Variants in CUX1 observed in about 807,000 individuals in gnomAD.
CUX1 encodes cut like homeobox 1.
CUX1 carries 31 observed loss-of-function variants against 158.8 expected under a neutral mutation model. The observed-to-expected ratio is 0.20, with a 90% CI of 0.15 to 0.26. The LOEUF (loss-of-function observed/expected upper bound fraction) is 0.26. Ranked by LOEUF, CUX1 falls within the 10% of genes least tolerant of loss-of-function variation. The pLI, the probability that CUX1 is intolerant of heterozygous loss-of-function variation, is 1.00. For missense variants in CUX1, 1,589 were observed against 2,014.6 expected (o/e 0.79, Z 4.04); for synonymous variants, 879 against 862.1 (o/e 1.02, Z -0.34).
intron 2 of CUX1, among the ~76,000 whole-genome samples, chr7:101,945,421 G>A (rs1237389793): frequency 1.3e-5 from 2 of 152,180 alleles, no homozygotes; most frequent in African/African-American, 4.8e-5. Flanking sequence ...CCTCGCTGTT[G>A]CATTTTGTAA....
chr7:102,045,694 A>G (rs1455195723), intron 3 of CUX1, among the ~76,000 whole-genome samples: 2 of 152,278 alleles, frequency 1.3e-5, no homozygotes, highest in Non-Finnish European at 2.9e-5. Context: ...CAGCTATTCA[A>G]TAAAAGTCCT....
At chr7:102,204,943 G>A (rs553448651) in intron 19 of CUX1, among the ~76,000 whole-genome samples, 171 bp from the exon 20 acceptor site, 3 of 152,346 alleles carry the variant, frequency 2.0e-5, no homozygotes, top group African/African-American at 4.8e-5. Context: ...ACCTGCTCCC[G>A]GCCCGGGGGC....
chr7:102,122,320 TA>T, intron 8 of CUX1, among the ~76,000 whole-genome samples: 1 of 152,138 alleles, frequency 6.6e-6, no homozygotes, highest in Admixed American at 6.5e-5. Context: ...TGGACTTGAA[TA>T]AAGAACCTCC....
At chr7:102,148,110 G>A (rs553810428) in intron 8 of CUX1, among the ~76,000 whole-genome samples, 1 of 152,198 alleles carries the variant, frequency 6.6e-6, no homozygotes, top group Non-Finnish European at 1.5e-5. Context: ...ACTTTGAGAC[G>A]GGAATAAATG....
At chr7:102,102,317 G>C (rs559894910) in intron 5 of CUX1, among the ~76,000 whole-genome samples, 9 of 150,994 alleles carry the variant, frequency 6.0e-5, no homozygotes, top group Admixed American at 4.6e-4. Context: ...TCAGCTACTC[G>C]GGAGGCTGAG....
intron 2 of CUX1, among the ~76,000 whole-genome samples, chr7:101,952,851 C>T (rs749459858): frequency 3.3e-5 from 5 of 152,190 alleles, no homozygotes; most frequent in African/African-American, 4.8e-5. Flanking sequence ...TGCATAGGTG[C>T]GCAGGGCACG....
chr7:101,864,139 G>T (rs1005210485), intron 1 of CUX1, among the ~76,000 whole-genome samples: 1 of 151,658 alleles, frequency 6.6e-6, no homozygotes, highest in Non-Finnish European at 1.5e-5. Context: ...CCACAGCCTC[G>T]CCAGCATTTG....
intron 14 of CUX1, 120 bp downstream of exon 14, chr7:102,195,723 G>T: frequency 1.1e-6 from 1 of 872,162 alleles, no homozygotes; most frequent in Non-Finnish European, 1.7e-6. Flanking sequence ...GCCGGTTGAC[G>T]AGAACCTTTG....
chr7:102,270,275 C>T (rs1385223536), intron 14 of CUX1, among the ~76,000 whole-genome samples: 1 of 152,210 alleles, frequency 6.6e-6, no homozygotes, highest in Admixed American at 6.5e-5. Flanking sequence ...GATAGGGGAC[C>T]CTCCCGTGGC....
At chr7:102,273,610 G>A in intron 15 of CUX1, 3 of 1,307,356 alleles carry the variant, frequency 2.3e-6, no homozygotes, top group Non-Finnish European at 3.1e-6. Context: ...CAACCCAGAA[G>A]GGCTGTCACC....
At chr7:102,209,545 G>C (rs1348974547) in intron 20 of CUX1, among the ~76,000 whole-genome samples, 2 of 152,118 alleles carry the variant, frequency 1.3e-5, no homozygotes, top group Non-Finnish European at 2.9e-5. Flanking sequence ...TAGATTTCCT[G>C]GTACGTCTTA....
intron 10 of CUX1, among the ~76,000 whole-genome samples, chr7:102,172,714 T>G (rs1460614194): frequency 1.3e-5 from 2 of 152,188 alleles, no homozygotes; most frequent in Admixed American, 1.3e-4. Context: ...ATCAAGGTAT[T>G]AAGACTCCCT....
chr7:102,147,970 C>T (rs911674671), intron 8 of CUX1, among the ~76,000 whole-genome samples: 3 of 151,964 alleles, frequency 2.0e-5, no homozygotes, highest in South Asian at 2.1e-4. Context: ...AGCGAGACTC[C>T]GTCTCAAAAA....
intron 2 of CUX1, among the ~76,000 whole-genome samples, chr7:102,021,667 C>G (rs1819391718): frequency 7.3e-6 from 1 of 137,748 alleles, no homozygotes; most frequent in Non-Finnish European, 1.5e-5. Flanking sequence ...AAGCGATTCT[C>G]CTGCCTCAGC....
chr7:102,092,336 C>T (rs73408014), intron 4 of CUX1, among the ~76,000 whole-genome samples: 12,580 of 152,174 alleles, frequency 0.083, 806 homozygotes, highest in African/African-American at 0.18. Flanking sequence ...TTTCACTGGG[C>T]GCTGCCTCTG....
At chr7:101,932,516 G>T (rs750725926) in intron 2 of CUX1, 5 of 442,690 alleles carry the variant, frequency 1.1e-5, no homozygotes, top group South Asian at 7.9e-5. Context: ...AGATCAGCTC[G>T]TTCAGTTACA....
intron 1 of CUX1, among the ~76,000 whole-genome samples, chr7:101,879,195 A>G (rs1799461105): frequency 6.6e-6 from 1 of 152,136 alleles, no homozygotes; most frequent in Non-Finnish European, 1.5e-5. Context: ...ATCTGAGCCC[A>G]GGAGGAGTCC....
intron 8 of CUX1, among the ~76,000 whole-genome samples, chr7:102,121,022 C>T (rs1554493279): frequency 6.6e-6 from 1 of 152,172 alleles, no homozygotes. Context: ...ATGATTGCAT[C>T]ACTGTACTCC....
At chr7:101,973,082 T>C (rs1195698182) in intron 2 of CUX1, among the ~76,000 whole-genome samples, 1 of 152,178 alleles carries the variant, frequency 6.6e-6, no homozygotes, top group African/African-American at 2.4e-5. Context: ...TTCTCGTACA[T>C]TTCAGGAGAG....
Sources: allele counts gnomAD v4.1 joint callset (sites outside exome capture counted in the v4.1 genomes callset), GRCh38; gene constraint gnomAD v4.1.1; transcripts MANE v1.5; gene names NCBI Gene and HGNC (gene_info 2026-07-23, HGNC 2026-07-21).